Variants in CPVL observed in about 807,000 individuals in gnomAD.
CPVL encodes carboxypeptidase vitellogenic like, also known as probable serine carboxypeptidase CPVL.
CPVL carries 51 observed loss-of-function variants against 63.7 expected under a neutral mutation model. The ratio of observed to expected loss-of-function variants is 0.80; its 90% CI spans 0.64 to 1.01. The LOEUF is 1.01. Among genes scored for constraint, CPVL ranks in the 50% least tolerant of loss-of-function variants. The probability of loss-of-function intolerance (pLI) is 0.00; values close to 1 mark genes in which losing one functional copy is unlikely to be tolerated. For synonymous variants in CPVL, 195 were observed against 206.0 expected (o/e 0.95, Z 0.46); for missense variants, 530 against 573.1 (o/e 0.92, Z 0.77).
chr7:28,999,186 T>C (rs149983036), intron 12 of CPVL, among the ~76,000 whole-genome samples: 13,146 of 152,292 alleles, frequency 0.086, 617 homozygotes, highest in Middle Eastern at 0.11. Flanking sequence ...CACTCCAGCC[T>C]GGGCGACAGA....
intron 1 of CPVL, among the ~76,000 whole-genome samples, chr7:29,129,476 C>CTT (rs386409807): frequency 0.8 from 117,631 of 146,458 alleles, 47,350 homozygotes; most frequent in East Asian, 0.96. Context: ...TTTGCCATTA[C>CTT]TTTTTTTTTT....
At chr7:29,179,672 A>G (rs189526354) in intron 5 of CPVL, among the ~76,000 whole-genome samples, 134 of 152,362 alleles carry the variant, frequency 8.8e-4, no homozygotes, top group African/African-American at 2.9e-3. Context: ...AAGTAGAGAA[A>G]CCATCAATAA....
intron 9 of CPVL, among the ~76,000 whole-genome samples, chr7:29,070,255 C>T (rs537842905): frequency 5.9e-5 from 9 of 152,200 alleles, no homozygotes; most frequent in Admixed American, 2.6e-4. Flanking sequence ...GAATACACAA[C>T]ACACCTGAAC....
chr7:28,996,683 G>A (rs1264882059), intron 12 of CPVL, among the ~76,000 whole-genome samples: 1 of 151,784 alleles, frequency 6.6e-6, no homozygotes, highest in Non-Finnish European at 1.5e-5. Flanking sequence ...TAGCAAATTC[G>A]AAAACAATTC....
intron 11 of CPVL, among the ~76,000 whole-genome samples, chr7:29,035,000 C>T (rs1788388310): frequency 6.6e-6 from 1 of 151,488 alleles, no homozygotes; most frequent in Admixed American, 6.6e-5. Context: ...AGGTAAAAAG[C>T]TTAATTTTAA....
At chr7:29,031,990 C>A (rs2128154934) in intron 11 of CPVL, among the ~76,000 whole-genome samples, 2 of 152,186 alleles carry the variant, frequency 1.3e-5, no homozygotes, top group Admixed American at 1.3e-4. Flanking sequence ...AATATACTCT[C>A]CTTTTTTTCT....
intron 12 of CPVL, among the ~76,000 whole-genome samples, chr7:29,020,759 T>C (rs1786880683): frequency 6.6e-6 from 1 of 152,064 alleles, no homozygotes; most frequent in South Asian, 2.1e-4. Flanking sequence ...AGCAAAAATA[T>C]AATCAAGAAA....
chr7:29,087,055 C>T (rs1276502697), intron 6 of CPVL, among the ~76,000 whole-genome samples: 1 of 152,038 alleles, frequency 6.6e-6, no homozygotes, highest in Non-Finnish European at 1.5e-5. Flanking sequence ...AAAAGAAAAA[C>T]AGCAAATGGT....
At chr7:29,045,955 T>C (rs914124000) in intron 11 of CPVL, among the ~76,000 whole-genome samples, 41 of 152,186 alleles carry the variant, frequency 2.7e-4, no homozygotes, top group African/African-American at 8.0e-4. Context: ...GATTTCAGTC[T>C]GGTAGTGAAG....
At chr7:29,090,420 T>C (rs1332559209) in intron 6 of CPVL, among the ~76,000 whole-genome samples, 1 of 152,254 alleles carries the variant, frequency 6.6e-6, no homozygotes, top group African/African-American at 2.4e-5. Context: ...GCTGCATTGC[T>C]ATGAAGCTTT....
intron 1 of CPVL, among the ~76,000 whole-genome samples, chr7:29,187,677 G>A (rs1201106641): frequency 6.6e-6 from 1 of 151,956 alleles, no homozygotes; most frequent in African/African-American, 2.4e-5. Flanking sequence ...GCAATGAGCC[G>A]AGATTGCACC....
rs201909711 is a variant in CPVL, at chr7:29,194,958, A to C, written c.-448+119T>G. ...CGCGCGGAGATGGCAGCGTCCAGCA[A>C]CTCCAGCCTGTCCGGCTCGTCGGTG... On this transcript the variant is annotated intron_variant, in intron 1 of 16. Coordinates refer to the CPVL transcript ENST00000409850. 7.8e-4 allele frequency: 1,242 copies of C among 1,582,974 alleles called. 1 individual carries two copies. The highest frequency in any genetic ancestry group is 1.0e-3 in the Non-Finnish European group (1,162 of 1,167,726).
intron 6 of CPVL, among the ~76,000 whole-genome samples, chr7:29,089,273 A>G (rs1767611279): frequency 6.6e-6 from 1 of 152,204 alleles, no homozygotes; most frequent in African/African-American, 2.4e-5. Context: ...CAGGGCAGAA[A>G]AGGTGAGTGG....
chr7:29,177,661 T>G (rs1040808649), intron 5 of CPVL, among the ~76,000 whole-genome samples: 4 of 151,880 alleles, frequency 2.6e-5, no homozygotes, highest in African/African-American at 9.7e-5. Flanking sequence ...TCTATTAATA[T>G]CTACCTATTT....
chr7:29,105,201 A>G (rs1247066304), intron 3 of CPVL, among the ~76,000 whole-genome samples: 3 of 152,182 alleles, frequency 2.0e-5, no homozygotes, highest in Non-Finnish European at 2.9e-5. Flanking sequence ...GTCTCCATTC[A>G]TCCATGGCTA....
intron 7 of CPVL, among the ~76,000 whole-genome samples, chr7:29,085,748 G>C (rs976166634): frequency 6.6e-6 from 1 of 152,224 alleles, no homozygotes; most frequent in East Asian, 1.9e-4. Flanking sequence ...GACTTCATGT[G>C]CCTCCTGATG....
chr7:29,110,743 G>A (rs1406275360), intron 3 of CPVL, among the ~76,000 whole-genome samples: 1 of 152,210 alleles, frequency 6.6e-6, no homozygotes, highest in East Asian at 1.9e-4. Context: ...GGTTGCAGAT[G>A]GAATTAAAGT....
chr7:29,036,980 G>A (rs1411575722), intron 11 of CPVL, among the ~76,000 whole-genome samples: 3 of 152,140 alleles, frequency 2.0e-5, no homozygotes, highest in African/African-American at 7.2e-5. Context: ...CAAACTGTGT[G>A]CTTCTAAGTG....
At chr7:29,024,079 A>G (rs989979706) in intron 12 of CPVL, among the ~76,000 whole-genome samples, 7 of 152,328 alleles carry the variant, frequency 4.6e-5, no homozygotes, top group South Asian at 2.1e-4. Context: ...ACACAGATAA[A>G]TAATAGAAGG....
Sources: gnomAD v4.1 joint callset for allele counts (sites outside exome capture counted in the v4.1 genomes callset) on GRCh38, gnomAD v4.1.1 for gene constraint, MANE v1.5 for transcripts, NCBI Gene and HGNC (gene_info 2026-07-23, HGNC 2026-07-21) for gene names.